SOD1: variants seen among roughly 807,000 people sequenced by gnomAD.
The protein encoded by SOD1 is superoxide dismutase [Cu-Zn].
A neutral mutation model predicts 15.9 loss-of-function variants in SOD1; 8 were observed. That is an observed-to-expected ratio of 0.50 (90% CI 0.30 to 0.91). The LOEUF (loss-of-function observed/expected upper bound fraction) is 0.91, where lower values mean the gene tolerates loss of function less well. Ranked by LOEUF, SOD1 falls within the 40% of genes least tolerant of loss-of-function variation. The probability of loss-of-function intolerance (pLI) is 0.07; values close to 1 mark genes in which losing one functional copy is unlikely to be tolerated. For synonymous variants in SOD1, 86 were observed against 71.2 expected (o/e 1.21, Z -1.04); for missense variants, 137 against 194.5 (o/e 0.70, Z 1.76).
Position 31,668,756 on chromosome 21 carries a change from G to T in SOD1, c.*178G>T. ...TGATTTATGATCACTTGGAAGATTT[G>T]TATAGTTTTATAAAACTCAGTTAAA... On this transcript the variant is annotated 3_prime_UTR_variant, in exon 5 of 5. Coordinates refer to ENST00000270142, the MANE Select transcript of SOD1 (RefSeq NM_000454.5). The T allele has an allele frequency of 3.3e-6, 2 of 610,500 alleles. No homozygotes were observed. The allele number at this position is 610,500 out of a possible 1,614,324, so 37.8% of individuals were successfully genotyped here.
At chr21:31,666,336 C>T (rs946175093) in intron 2 of SOD1, 113 bp from the exon 3 acceptor site, 11 of 760,174 alleles carry the variant, frequency 1.4e-5, no homozygotes, top group Middle Eastern at 2.7e-4. Flanking sequence ...TCCCAGAAGT[C>T]GTGATGCAGG....
chr21:31,659,940 C>T, intron 1 of SOD1, 99 bp downstream of exon 1: 2 of 1,230,508 alleles, frequency 1.6e-6, no homozygotes, highest in African/African-American at 1.5e-5. Context: ...GGCCTCGGGG[C>T]CGCCCTGGTC....
In SOD1 at chr21:31,666,899, AC is replaced by A. The variant is rs2049598277; in HGVS notation, c.240-358del. 7 of 395,732 alleles carry A rather than the reference AC, an allele frequency of 1.8e-5. No individual in the cohort carries two copies. The South Asian group carries it at 2.0e-4, about 11-fold the overall frequency. 24.5% of individuals were successfully genotyped at this position (395,732 alleles called of 1,614,324 possible). On this transcript the variant is annotated intron_variant, in intron 3 of 4. Transcript: ENST00000270142. ...AAATTGATACTGAAAACTAGTCGAG[AC>A]TCCATTTATATGTGTATGTTTTCTG...
chr21:31,666,837 A>G (rs1690173899), intron 3 of SOD1: 1 of 417,890 alleles, frequency 2.4e-6, no homozygotes, highest in East Asian at 4.8e-5. Context: ...ATCAATCATC[A>G]TTGTGAAACA....
Position 31,659,856 on chromosome 21 carries a change from G to A in SOD1, c.72+15G>A. The A allele has an allele frequency of 1.2e-6, 2 of 1,611,868 alleles. No individual in the cohort carries two copies. The highest frequency in any genetic ancestry group is 8.5e-7 in the Non-Finnish European group (1 of 1,179,168). Reference sequence around the variant, plus strand: ...TCGAGCAGAAGGCAAGGGCTGGGACGGAGGCTTGTTTGCGAGGCCGCTCCC... The same window carrying A: ...TCGAGCAGAAGGCAAGGGCTGGGACAGAGGCTTGTTTGCGAGGCCGCTCCC... On this transcript the variant is annotated intron_variant, in intron 1 of 4. Coordinates refer to ENST00000270142, the MANE Select transcript of SOD1 (RefSeq NM_000454.5).
intron 1 of SOD1, among the ~76,000 whole-genome samples, chr21:31,661,903 T>C (rs1004395705): frequency 3.3e-5 from 5 of 152,256 alleles, no homozygotes; most frequent in Non-Finnish European, 7.3e-5. Context: ...CTTGGCCTAT[T>C]CCGTGTTTAA....
At chr21:31,666,831 A>G (rs940694072) in intron 3 of SOD1, 6 of 425,464 alleles carry the variant, frequency 1.4e-5, no homozygotes, top group South Asian at 1.1e-4. Context: ...AGCAAAATCA[A>G]TCATCATTGT....
chr21:31,663,910 A>AACAAGTATGGGTCACCAG, intron 2 of SOD1, 24 bp downstream of exon 2: 1 of 1,555,364 alleles, frequency 6.4e-7, no homozygotes, highest in Non-Finnish European at 8.9e-7. Context: ...TGTGCTGGTG[A>AACAAGTATGGGTCACCAG]CCCATACTTG....
At chr21:31,660,738 A>G (rs2049541863) in intron 1 of SOD1, 1 of 152,198 alleles carries the variant, frequency 6.6e-6, no homozygotes, top group Non-Finnish European at 1.5e-5. Context: ...GAAAGTTTCC[A>G]AAAGTGATTT....
At chr21:31,667,643 A>C (rs1219329642) in intron 4 of SOD1, among the ~76,000 whole-genome samples, 1 of 152,234 alleles carries the variant, frequency 6.6e-6, no homozygotes, top group Admixed American at 6.5e-5. Context: ...AGTAGTCTTT[A>C]GTTTTAAAAT....
Position 31,666,519 on chromosome 21 carries a change from G to A in SOD1, c.239+1G>A. The A allele has an allele frequency of 6.2e-7, 1 of 1,602,762 alleles. No individual in the cohort carries two copies. The highest frequency in any genetic ancestry group is 8.5e-7 in the Non-Finnish European group (1 of 1,170,036). On this transcript the variant is annotated splice_donor_variant, in intron 3 of 4. Transcript: ENST00000270142. LOFTEE classifies it high-confidence loss of function. The stretch of plus-strand genomic sequence containing the variant: ...ACGGTGGGCCAAAGGATGAAGAGAG[G>A]TAACAAGATGCTTAACTCTTGTAAT...
At chr21:31,662,305 G>A (rs2049554823) in intron 1 of SOD1, among the ~76,000 whole-genome samples, 1 of 152,154 alleles carries the variant, frequency 6.6e-6, no homozygotes, top group Non-Finnish European at 1.5e-5. Flanking sequence ...AAAAAGAAAA[G>A]AATTTAAAAA....
intron 2 of SOD1, among the ~76,000 whole-genome samples, 186 bp downstream of exon 2, chr21:31,664,072 G>A (rs2049572361): frequency 6.6e-6 from 1 of 152,120 alleles, no homozygotes; most frequent in Non-Finnish European, 1.5e-5. Flanking sequence ...GACCTCCCAG[G>A]CTCCATTGAT....
In SOD1 at chr21:31,668,656, A is replaced by G. The variant is rs561195887; in HGVS notation, c.*78A>G. ...GCTGTAGAAATGTATCCTGATAAACATTAAACACTGTAATCTTAAAAGTGT... is the reference window on the plus strand; with the variant it reads ...GCTGTAGAAATGTATCCTGATAAACGTTAAACACTGTAATCTTAAAAGTGT... On this transcript the variant is annotated 3_prime_UTR_variant, in exon 5 of 5. Transcript: ENST00000270142. The G allele has an allele frequency of 1.0e-5, 11 of 1,065,408 alleles. No homozygotes were observed. The highest frequency in any genetic ancestry group is 7.1e-5 in the East Asian group (3 of 42,006). 66.0% of individuals were successfully genotyped at this position (1,065,408 alleles called of 1,614,324 possible). A position where few individuals can be genotyped will look rare whatever the true frequency, so the allele number is the denominator to read the frequency against.
At position 31,659,724 on chromosome 21, in the gene SOD1, C is replaced by A. The variant is rs763699755; in HGVS notation, c.-46C>A. On this transcript the variant is annotated 5_prime_UTR_variant, in exon 1 of 5. Coordinates refer to ENST00000270142, the MANE Select transcript of SOD1 (RefSeq NM_000454.5). ...TAGTCTCCTGCAGCGTCTGGGGTTT[C>A]CGTTGCAGTCCTCGGAACCAGGACC... 33 of 1,598,082 alleles carry A rather than the reference C, an allele frequency of 2.1e-5. No homozygotes were observed. The highest frequency in any genetic ancestry group is 1.5e-4 in the Admixed American group (9 of 59,986).
chr21:31,666,550 C>T (rs759675335), intron 3 of SOD1, 32 bp downstream of exon 3: 15 of 1,468,164 alleles, frequency 1.0e-5, no homozygotes, highest in South Asian at 8.0e-5. Context: ...GTAATAATGG[C>T]GATAGCTTTC....
In SOD1 at chr21:31,663,857, A is replaced by C; in HGVS notation, c.140A>C (p.His47Pro). 6.2e-7 allele frequency: 1 copy of C among 1,613,588 alleles called. No homozygotes were observed. Among genetic ancestry groups the C allele is most frequent in the Non-Finnish European group, 8.5e-7 (1 of 1,179,538 alleles). Residue 47 changes from histidine to proline, a missense_variant, in exon 2 of 5, where the codon CAT becomes CCT. Transcript: ENST00000270142. ...CTGACTGAAGGCCTGCATGGATTCC[A>C]TGTTCATGAGTTTGGAGATAATACA... ...KGLTEGLHGF[H>P]VHEFGDNTAG...
At position 31,659,720 on chromosome 21, in the gene SOD1, GT is replaced by G; in HGVS notation, c.-47del. On this transcript the variant is annotated 5_prime_UTR_variant, in exon 1 of 5. Transcript: ENST00000270142. ...GTCGTAGTCTCCTGCAGCGTCTGGG[GT>G]TTCCGTTGCAGTCCTCGGAACCAGG... 6.3e-7 allele frequency: 1 copy of G among 1,588,272 alleles called. No individual in the cohort carries two copies. The highest frequency in any genetic ancestry group is 8.6e-7 in the Non-Finnish European group (1 of 1,156,866).
At chr21:31,662,772 T>C (rs917397685) in intron 1 of SOD1, among the ~76,000 whole-genome samples, 14 of 152,152 alleles carry the variant, frequency 9.2e-5, no homozygotes, top group Non-Finnish European at 5.9e-5. Flanking sequence ...CCCAGCACTT[T>C]GGGAGGCCGA....
Sources: gnomAD v4.1 joint callset for allele counts (sites outside exome capture counted in the v4.1 genomes callset) on GRCh38, gnomAD v4.1.1 for gene constraint, MANE v1.5 for transcripts, NCBI Gene and HGNC (gene_info 2026-07-23, HGNC 2026-07-21) for gene names.